The following SLC2A5 variants were observed in gnomAD, a reference collection of about 807,000 sequenced individuals.
SLC2A5 encodes solute carrier family 2 member 5, also known as solute carrier family 2, facilitated glucose transporter member 5.
In SLC2A5, 56 loss-of-function variants were observed where a neutral mutation model predicts 50.3. The ratio of observed to expected loss-of-function variants is 1.11; its 90% CI spans 0.90 to 1.39. The LOEUF is 1.39. Among genes scored for constraint, SLC2A5 ranks in the 40% most tolerant of loss-of-function variants. The pLI, the probability that SLC2A5 is intolerant of heterozygous loss-of-function variation, is 0.00. For synonymous variants in SLC2A5, 269 were observed against 281.9 expected (o/e 0.95, Z 0.46); for missense variants, 566 against 650.1 (o/e 0.87, Z 1.41).
intron 1 of SLC2A5, among the ~76,000 whole-genome samples, chr1:9,062,747 C>T (rs1462092782): frequency 2.6e-5 from 4 of 151,980 alleles, no homozygotes; most frequent in Non-Finnish European, 5.9e-5. Context: ...TGGCATATGC[C>T]TGTAGTCCCA....
At chr1:9,086,253 T>A (rs1431795683) in intron 1 of SLC2A5, among the ~76,000 whole-genome samples, 1 of 152,200 alleles carries the variant, frequency 6.6e-6, no homozygotes, top group Non-Finnish European at 1.5e-5. Flanking sequence ...CAAAGTCAAT[T>A]GACTGAAACC....
At chr1:9,043,780 G>T (rs1383029089) in intron 4 of SLC2A5, among the ~76,000 whole-genome samples, 2 of 151,450 alleles carry the variant, frequency 1.3e-5, no homozygotes, top group Non-Finnish European at 2.9e-5. Flanking sequence ...GGAGTGCAGT[G>T]GTGCGATCTC....
chr1:9,064,836 C>T (rs987706428), intron 1 of SLC2A5, among the ~76,000 whole-genome samples: 2 of 152,028 alleles, frequency 1.3e-5, no homozygotes, highest in Middle Eastern at 3.2e-3. Context: ...GGGCAGATCA[C>T]GAGGTCAGGA....
chr1:9,053,263 A>T (rs1196180975), intron 3 of SLC2A5, among the ~76,000 whole-genome samples: 1 of 10,526 alleles, frequency 9.5e-5, no homozygotes, highest in Admixed American at 1.9e-3. Flanking sequence ...TATATTATAT[A>T]TTTATATTAT....
Position 9,037,705 on chromosome 1 carries a change from T to A in SLC2A5, c.1387A>T (p.Thr463Ser). 6.2e-7 allele frequency: 1 copy of A among 1,614,152 alleles called. No homozygotes were observed. The highest frequency in any genetic ancestry group is 1.1e-5 in the South Asian group (1 of 91,074). The stretch of plus-strand genomic sequence containing the variant: ...ATCTCTATGAACGTCTTGGCCTTGG[T>A]CTCCGGGACAATCAAGAAGATGTAG... ...TIYIFLIVPE[T>S]KAKTFIEINQ... is the part of the protein sequence containing the mutation. Residue 463 changes from threonine to serine, a missense_variant, in exon 12 of 12, where the codon ACC becomes TCC. Thr to Ser is a moderately conservative substitution (Grantham distance 58, BLOSUM62 1). Transcript: ENST00000377424.
intron 1 of SLC2A5, among the ~76,000 whole-genome samples, chr1:9,065,873 C>G (rs570676904): frequency 1.1e-4 from 16 of 152,064 alleles, no homozygotes; most frequent in Non-Finnish European, 1.6e-4. Context: ...TCTCTTGAGC[C>G]CAGGAGGCTG....
intron 3 of SLC2A5, among the ~76,000 whole-genome samples, chr1:9,053,084 T>C (rs1483155272): frequency 8.6e-6 from 1 of 116,494 alleles, no homozygotes; most frequent in Non-Finnish European, 1.6e-5. Flanking sequence ...TATATATTAA[T>C]ATATAATATA....
chr1:9,072,394 A>T (rs1290662691), upstream of SLC2A5: 4 of 35,166 alleles, frequency 1.1e-4, 1 homozygote, highest in African/African-American at 2.6e-4. Context: ...CCCTAGAAAT[A>T]AAAAAAATTA....
upstream of SLC2A5, among the ~76,000 whole-genome samples, chr1:9,071,221 C>T (rs1642204356): frequency 6.6e-6 from 1 of 152,134 alleles, no homozygotes; most frequent in Non-Finnish European, 1.5e-5. Flanking sequence ...ACCAGTCTGA[C>T]CAACATGGTG....
intron 3 of SLC2A5, among the ~76,000 whole-genome samples, chr1:9,050,731 A>G (rs904079142): frequency 6.6e-6 from 1 of 152,186 alleles, no homozygotes; most frequent in Non-Finnish European, 1.5e-5. Flanking sequence ...AATGAAAGAC[A>G]GAAGGTTAGA....
At chr1:9,039,726 G>T in intron 7 of SLC2A5, 64 bp from the exon 8 acceptor site, 1 of 1,420,300 alleles carries the variant, frequency 7.0e-7, no homozygotes, top group Non-Finnish European at 9.2e-7. Context: ...CAGGACCCAC[G>T]CCCGGCGCCC....
upstream of SLC2A5, among the ~76,000 whole-genome samples, chr1:9,093,151 C>T (rs76103708): frequency 2.1e-3 from 314 of 152,276 alleles, no homozygotes; most frequent in African/African-American, 7.2e-3. Flanking sequence ...CTCCTTTAAT[C>T]CCTTCCTACA....
At chr1:9,063,236 TTG>T (rs201049045) in intron 1 of SLC2A5, among the ~76,000 whole-genome samples, 8 of 151,692 alleles carry the variant, frequency 5.3e-5, no homozygotes, top group African/African-American at 1.7e-4. Context: ...AATATGTACT[TTG>T]TGTGTGTGTG....
chr1:9,070,278 G>A (rs1642188181), upstream of SLC2A5, among the ~76,000 whole-genome samples: 2 of 151,774 alleles, frequency 1.3e-5, no homozygotes, highest in African/African-American at 4.8e-5. Context: ...ACGGGGTTTT[G>A]CCATGTTGGC....
At position 9,063,695 on chromosome 1, in the gene SLC2A5, T is replaced by TAC. The variant is rs1292339677; in HGVS notation, c.34-5446_34-5445insGT. Among the ~76,000 whole-genome samples, 100 of 100,078 alleles carry TAC rather than the reference T, an allele frequency of 1.0e-3. 4 individuals are homozygous for TAC. The highest frequency in any genetic ancestry group is 1.3e-3 in the Non-Finnish European group (68 of 51,074). The allele number at this position is 100,078 out of a possible 152,430, so 65.7% of individuals were successfully genotyped here. ...GCTATTATTTACTTTTTTTTTTTTT[T>TAC]TTTTTTTTTTTTTTTTTGAGACGGA... On this transcript the variant is annotated intron_variant, in intron 1 of 11. Coordinates refer to ENST00000377424, the MANE Select transcript of SLC2A5 (RefSeq NM_003039.3).
chr1:9,053,175 A>ATATATTTATATATTATATATTTATATAT (rs1242741785), intron 3 of SLC2A5, among the ~76,000 whole-genome samples: 58 of 96,630 alleles, frequency 6.0e-4, no homozygotes, highest in African/African-American at 2.0e-3. Flanking sequence ...TATATATTTT[A>ATATATTTATATATTATATATTTATATAT]TATATTTATA....
chr1:9,050,169 C>T (rs1641534136), intron 3 of SLC2A5, among the ~76,000 whole-genome samples: 1 of 151,732 alleles, frequency 6.6e-6, no homozygotes, highest in African/African-American at 2.4e-5. Context: ...TCCAGTTACT[C>T]AGAAGACTGA....
rs1055752925 is a variant in SLC2A5, at chr1:9,038,904, C to T, written c.1022G>A (p.Arg341Gln). 1 of 1,612,640 alleles carries T rather than the reference C, an allele frequency of 6.2e-7. No individual in the cohort carries two copies. ...GAAGCCCAGCAGCAGCAGCAGCCTC[C>T]GACCCAGGAGCTCCACCACGAACAC... ...CAVFVVELLG[R>Q]RLLLLLGFSI... The change falls in exon 9 of 12, where the codon CGG (arginine) becomes CAG (glutamine). Residue 341 changes from arginine to glutamine, a missense_variant. Arg to Gln is a conservative substitution (Grantham distance 43, BLOSUM62 1). Transcript: ENST00000377424.
chr1:9,092,081 T>C (rs1642466824), upstream of SLC2A5, among the ~76,000 whole-genome samples: 1 of 152,182 alleles, frequency 6.6e-6, no homozygotes, highest in Admixed American at 6.5e-5. Context: ...ACGGCAGTTC[T>C]ACTTCCAGAA....
Sources: allele counts gnomAD v4.1 joint callset (sites outside exome capture counted in the v4.1 genomes callset), GRCh38; gene constraint gnomAD v4.1.1; transcripts MANE v1.5; gene names NCBI Gene and HGNC (gene_info 2026-07-23, HGNC 2026-07-21).